ADARB1: variants seen among roughly 807,000 people sequenced by gnomAD.
ADARB1 encodes double-stranded RNA-specific editase 1.
Under a neutral mutation model 52.4 loss-of-function variants are expected in ADARB1, and 10 were observed. The observed-to-expected ratio is 0.19, with a 90% confidence interval of 0.12 to 0.32. ADARB1 has a LOEUF of 0.32. Among genes scored for constraint, ADARB1 ranks in the 10% least tolerant of loss-of-function variants. The probability of loss-of-function intolerance (pLI) is 1.00; values close to 1 mark genes in which losing one functional copy is unlikely to be tolerated. For missense variants in ADARB1, 643 were observed against 922.3 expected (o/e 0.70, Z 3.92); for synonymous variants, 349 against 371.1 (o/e 0.94, Z 0.68).
rs111479686 is a variant in ADARB1 at position 45,085,321 on chromosome 21, G to A, written c.-220+10528G>A. On this transcript the variant is annotated intron_variant, in intron 1 of 10. Coordinates refer to ENST00000348831, the MANE Select transcript of ADARB1 (RefSeq NM_001112.4). ...CAAAAGATGCTGGGGAGCTACAGAC[G>A]TGACCTCTGACCTCTACATGAAGAA... Among the ~76,000 whole-genome samples, 763 of 152,294 alleles carry A rather than the reference G, an allele frequency of 5.0e-3. 11 individuals carry two copies. The highest frequency in any genetic ancestry group is 0.017 in the African/African-American group (716 of 41,540).
chr21:45,183,710 T>C (rs1480246069), intron 7 of ADARB1, among the ~76,000 whole-genome samples, 200 bp downstream of exon 7: 1 of 152,258 alleles, frequency 6.6e-6, no homozygotes, highest in Non-Finnish European at 1.5e-5. Context: ...TGAAAAATGC[T>C]GATTGTAATT....
At chr21:45,123,871 G>A (rs997435961) in intron 1 of ADARB1, among the ~76,000 whole-genome samples, 1 of 152,218 alleles carries the variant, frequency 6.6e-6, no homozygotes, top group African/African-American at 2.4e-5. Flanking sequence ...AGAGTGCTGG[G>A]CTTATAAGTG....
intron 1 of ADARB1, among the ~76,000 whole-genome samples, chr21:45,106,981 GA>G (rs2087287562): frequency 6.6e-6 from 1 of 152,162 alleles, no homozygotes; most frequent in East Asian, 1.9e-4. Flanking sequence ...TGGAAAAGAA[GA>G]AATAAAACTA....
intron 9 of ADARB1, among the ~76,000 whole-genome samples, chr21:45,218,468 C>T (rs2092907359): frequency 6.6e-6 from 1 of 152,180 alleles, no homozygotes; most frequent in Non-Finnish European, 1.5e-5. Flanking sequence ...GAGGCTGTTT[C>T]CCAGCCTTGA....
chr21:45,119,733 G>T (rs531708265), intron 1 of ADARB1, among the ~76,000 whole-genome samples: 1 of 152,114 alleles, frequency 6.6e-6, no homozygotes, highest in African/African-American at 2.4e-5. Context: ...CATCTGTTTC[G>T]AAATAAAGAC....
At chr21:45,115,218 A>G (rs924504385) in intron 1 of ADARB1, among the ~76,000 whole-genome samples, 2 of 152,230 alleles carry the variant, frequency 1.3e-5, no homozygotes, top group African/African-American at 2.4e-5. Flanking sequence ...GTTGGTGGGC[A>G]TGAGGAGGTG....
At position 45,182,590 on chromosome 21, in the gene ADARB1, G is replaced by A; in HGVS notation, c.1084G>A (p.Asp362Asn). Residue 362 changes from aspartate to asparagine, a missense_variant, in exon 6 of 11, where the codon GAT (aspartate) becomes AAT (asparagine). Physicochemically the swap from Asp to Asn is conservative, Grantham distance 23. Coordinates refer to ENST00000348831, the MANE Select transcript of ADARB1 (RefSeq NM_001112.4). ...TCTCTTTTTTTTTTTTTCAGGCACAGATGTTAAAGATGCCAAGGTGATAAG... is the reference window on the plus strand; with the variant it reads ...TCTCTTTTTTTTTTTTTCAGGCACAAATGTTAAAGATGCCAAGGTGATAAG... ...LAGVVMTTGT[D>N]VKDAKVISVS... is the part of the protein sequence containing the mutation. 1 of 1,582,884 alleles carries A rather than the reference G, an allele frequency of 6.3e-7. No homozygotes were observed. Among genetic ancestry groups the A allele is most frequent in the Non-Finnish European group, 8.5e-7 (1 of 1,170,858 alleles).
chr21:45,175,815 C>T lies in ADARB1; in HGVS notation c.114C>T (p.Gly38=). Residue 38 remains glycine, a synonymous_variant, in exon 4 of 11, where the codon GGC becomes GGT. Coordinates refer to ENST00000348831, the MANE Select transcript of ADARB1 (RefSeq NM_001112.4). ...GCAGCACACCTGGGCCTGGCGAGGG[C>T]TCTCAGCTCTCCAATGGGGGTGGTG... The part of the protein sequence containing the change: ...KDGSTPGPGE[G]SQLSNGGGGG... 1 of 1,614,182 alleles carries T rather than the reference C, an allele frequency of 6.2e-7. No homozygotes were observed. The highest frequency in any genetic ancestry group is 8.5e-7 in the Non-Finnish European group (1 of 1,180,030).
intron 8 of ADARB1, among the ~76,000 whole-genome samples, chr21:45,190,920 A>T (rs559778765): frequency 5.9e-4 from 90 of 152,342 alleles, no homozygotes; most frequent in African/African-American, 2.1e-3. Context: ...CTATTTAGGG[A>T]AAGGGGAACA....
intron 1 of ADARB1, among the ~76,000 whole-genome samples, chr21:45,113,499 G>A (rs4818763): frequency 0.17 from 4,754 of 28,220 alleles, 143 homozygotes; most frequent in Non-Finnish European, 0.29. Context: ...GTGTATATAT[G>A]TGTGTGTGTG....
In ADARB1 at chr21:45,204,872, A is replaced by G; in HGVS notation, c.1747+136A>G. On this transcript the variant is annotated intron_variant, in intron 9 of 10. Coordinates refer to ENST00000348831, the MANE Select transcript of ADARB1 (RefSeq NM_001112.4). The surrounding 1 kb of genome is among the most constrained non-coding windows in gnomAD (Gnocchi z 4.4). ...CATCAGAGTCCTTCTAAAGAGACCC[A>G]AGGTGATGTTTCTGAGGCTCTCCGG... 1.0e-6 allele frequency: 1 copy of G among 956,620 alleles called. No homozygotes were observed. Among genetic ancestry groups the G allele is most frequent in the Non-Finnish European group, 1.5e-6 (1 of 662,994 alleles). 59.3% of individuals were successfully genotyped at this position (956,620 alleles called of 1,614,324 possible). A position where few individuals can be genotyped will look rare whatever the true frequency, so the allele number is the denominator to read the frequency against.
chr21:45,158,243 C>T (rs1391133076), intron 2 of ADARB1, among the ~76,000 whole-genome samples: 5 of 146,842 alleles, frequency 3.4e-5, no homozygotes, highest in East Asian at 4.3e-4. Flanking sequence ...CGGGTTGGGG[C>T]GGGAGGGGGG....
chr21:45,109,858 C>T (rs1327106973), intron 1 of ADARB1, among the ~76,000 whole-genome samples: 1 of 152,100 alleles, frequency 6.6e-6, no homozygotes, highest in Non-Finnish European at 1.5e-5. Flanking sequence ...TTTCTGTGTG[C>T]GGTTGTACGT....
chr21:45,143,863 A>G (rs1486497806), intron 2 of ADARB1, among the ~76,000 whole-genome samples: 1 of 152,216 alleles, frequency 6.6e-6, no homozygotes, highest in Non-Finnish European at 1.5e-5. Flanking sequence ...ACATCCAGCC[A>G]TCATCCTAGA....
intron 9 of ADARB1, among the ~76,000 whole-genome samples, chr21:45,215,505 A>G (rs1045918171): frequency 6.6e-6 from 1 of 151,954 alleles, no homozygotes; most frequent in East Asian, 1.9e-4. Flanking sequence ...ACTTAGGCCT[A>G]TAGTCCCAGC....
intron 1 of ADARB1, among the ~76,000 whole-genome samples, chr21:45,079,733 CTTACTTTGCTTATTATTTTTATGA>C (rs1170083742): frequency 6.6e-6 from 1 of 152,138 alleles, no homozygotes; most frequent in Non-Finnish European, 1.5e-5. Context: ...TTTAATGGGG[CTTACTTTGCTTATTATTTTTATGA>C]TTAGTTATCT....
intron 6 of ADARB1, 83 bp downstream of exon 6, chr21:45,182,836 G>A (rs1323588149): frequency 7.9e-7 from 1 of 1,260,268 alleles, no homozygotes; most frequent in African/African-American, 1.5e-5. Flanking sequence ...ACCTTTCATT[G>A]TTTCTGTAAT....
chr21:45,146,580 T>C (rs2090020277), intron 2 of ADARB1, among the ~76,000 whole-genome samples: 1 of 152,184 alleles, frequency 6.6e-6, no homozygotes, highest in Admixed American at 6.5e-5. Context: ...GGGGGTAAAC[T>C]AGAGAGACTA....
chr21:45,079,686 A>G (rs1015464274), intron 1 of ADARB1, among the ~76,000 whole-genome samples: 4 of 152,166 alleles, frequency 2.6e-5, no homozygotes, highest in African/African-American at 9.7e-5. Context: ...TTGAGTTGCT[A>G]ATGTAAAGTA....
Sources: gnomAD v4.1 joint callset for allele counts (sites outside exome capture counted in the v4.1 genomes callset) on GRCh38, gnomAD v4.1.1 for gene constraint, Gnocchi (gnomAD v3.1) non-coding constraint, MANE v1.5 for transcripts, NCBI Gene and HGNC (gene_info 2026-07-23, HGNC 2026-07-21) for gene names.